Variants in ST7 observed in about 807,000 individuals in gnomAD.
The protein encoded by ST7 is suppression of tumorigenicity 7, also known as suppressor of tumorigenicity 7 protein.
ST7 carries 28 observed loss-of-function variants against 78.7 expected under a neutral mutation model. The ratio of observed to expected loss-of-function variants is 0.36; its 90% CI spans 0.26 to 0.49. The LOEUF (loss-of-function observed/expected upper bound fraction) is 0.49. Ranked by LOEUF, ST7 falls within the 20% of genes least tolerant of loss-of-function variation. The pLI is 0.99. For missense variants in ST7, 418 were observed against 696.0 expected (o/e 0.60, Z 4.49); for synonymous variants, 247 against 249.6 (o/e 0.99, Z 0.10).
chr7:117,215,181 A>G (rs1158834654), intron 13 of ST7, among the ~76,000 whole-genome samples: 3 of 152,176 alleles, frequency 2.0e-5, no homozygotes, highest in Admixed American at 6.5e-5. Flanking sequence ...ACAATTAGGT[A>G]GTGACAGCAT....
intron 1 of ST7, among the ~76,000 whole-genome samples, chr7:117,002,337 C>T (rs1794969467): frequency 6.6e-6 from 1 of 152,068 alleles, no homozygotes; most frequent in South Asian, 2.1e-4. Flanking sequence ...AAATGATCCT[C>T]CTACCTCAGC....
rs3757813 is a variant in ST7 at position 117,099,045 on chromosome 7, G to C, written c.152-717G>C. On this transcript the variant is annotated intron_variant, in intron 1 of 15. Transcript: ENST00000323984. Reference sequence around the variant, plus strand: ...TTACTTTCTTAATAAACTCACTTTCGCAAAAAAAAAAAAAAAAAAACAAAA... The same window carrying C: ...TTACTTTCTTAATAAACTCACTTTCCCAAAAAAAAAAAAAAAAAAACAAAA... 1.2e-3 allele frequency among the ~76,000 whole-genome samples: 20 copies of C among 16,086 alleles called. 1 individual carries two copies. The East Asian group carries it at 0.12, about 98-fold the overall frequency. 10.6% of individuals were successfully genotyped at this position (16,086 alleles called of 152,430 possible).
intron 1 of ST7, among the ~76,000 whole-genome samples, chr7:116,988,740 T>G (rs183723358): frequency 2.6e-5 from 4 of 152,358 alleles, no homozygotes; most frequent in Admixed American, 2.6e-4. Flanking sequence ...GAAAATACTT[T>G]AAATAATCAA....
intron 1 of ST7, among the ~76,000 whole-genome samples, chr7:117,097,893 T>TG (rs1563078758): frequency 1.3e-4 from 3 of 23,436 alleles, no homozygotes; most frequent in Admixed American, 9.7e-4. Flanking sequence ...TATATATATA[T>TG]ATATATATAT....
intron 12 of ST7, among the ~76,000 whole-genome samples, chr7:117,195,394 A>G (rs1482912311): frequency 1.3e-5 from 2 of 151,248 alleles, no homozygotes; most frequent in Non-Finnish European, 3.0e-5. Flanking sequence ...AAAAATATGT[A>G]ATATGAGATC....
At chr7:117,122,356 T>G (rs906662127) in intron 3 of ST7, among the ~76,000 whole-genome samples, 2 of 152,186 alleles carry the variant, frequency 1.3e-5, no homozygotes, top group Admixed American at 6.5e-5. Context: ...AGGAGTGATG[T>G]GATCAGATCT....
chr7:117,211,481 G>C (rs139270248), intron 13 of ST7, among the ~76,000 whole-genome samples: 1 of 152,168 alleles, frequency 6.6e-6, no homozygotes, highest in Non-Finnish European at 1.5e-5. Flanking sequence ...AGGGTTGAAC[G>C]GGAGAGGCCT....
At position 117,134,185 on chromosome 7, in the gene ST7, T is replaced by C; in HGVS notation, c.703T>C (p.Leu235=). The stretch of plus-strand genomic sequence containing the variant: ...CTCTACCATCTGGGAGATAAAATTG[T>C]TACCAAAGTAAGTCAAGAACCTGTT... ...ASSTIWEIKL[L]PKCATAYILL... is the part of the protein sequence containing the mutation. The change falls in exon 7 of 16, where the codon TTA becomes CTA. Residue 235 remains leucine, a synonymous_variant. Coordinates refer to ENST00000323984, the MANE Select transcript of ST7 (RefSeq NM_001369598.1). 1 of 1,612,002 alleles carries C rather than the reference T, an allele frequency of 6.2e-7. No homozygotes were observed. Among genetic ancestry groups the C allele is most frequent in the South Asian group, 1.1e-5 (1 of 91,004 alleles).
At chr7:117,104,667 C>G (rs995849183) in intron 2 of ST7, among the ~76,000 whole-genome samples, 1 of 152,098 alleles carries the variant, frequency 6.6e-6, no homozygotes, top group Non-Finnish European at 1.5e-5. Context: ...ACCTGCAGTC[C>G]CATGTTTATT....
intron 13 of ST7, among the ~76,000 whole-genome samples, chr7:117,211,944 A>G (rs1337957682): frequency 6.6e-6 from 1 of 152,184 alleles, no homozygotes; most frequent in Admixed American, 6.5e-5. Context: ...GGCATAACAC[A>G]GTATGGCCAG....
At chr7:117,167,022 T>C (rs1807609590) in intron 9 of ST7, among the ~76,000 whole-genome samples, 1 of 151,672 alleles carries the variant, frequency 6.6e-6, no homozygotes, top group African/African-American at 2.4e-5. Context: ...ACTGGCAGCA[T>C]GGTTAGAGAA....
chr7:116,994,630 T>C (rs1006423978), intron 1 of ST7, among the ~76,000 whole-genome samples: 2 of 152,196 alleles, frequency 1.3e-5, no homozygotes, highest in Admixed American at 1.3e-4. Context: ...GGACGCAATG[T>C]TTTTAGATTA....
intron 10 of ST7, among the ~76,000 whole-genome samples, chr7:117,185,714 G>A (rs1809194954): frequency 6.6e-6 from 1 of 152,170 alleles, no homozygotes; most frequent in African/African-American, 2.4e-5. Context: ...TCACGAGGTT[G>A]GAGTTCAAGA....
intron 13 of ST7, among the ~76,000 whole-genome samples, chr7:117,217,299 A>C (rs1042473590): frequency 1.3e-5 from 2 of 151,322 alleles, no homozygotes; most frequent in African/African-American, 2.4e-5. Context: ...AAAAAAAAAA[A>C]CAAAAAAAAA....
intron 1 of ST7, chr7:116,972,242 G>GTT (rs1347115990): frequency 3.7e-6 from 2 of 537,304 alleles, no homozygotes; most frequent in Non-Finnish European, 7.1e-6. Flanking sequence ...GTGCATTTGA[G>GTT]TTTATCTTCC....
intron 1 of ST7, among the ~76,000 whole-genome samples, chr7:117,063,305 C>T (rs573770567): frequency 6.6e-6 from 1 of 151,824 alleles, no homozygotes; most frequent in African/African-American, 2.4e-5. Context: ...TGCTTTAAGC[C>T]CAGGACAAAG....
At chr7:117,151,780 A>G (rs1346384321) in intron 9 of ST7, among the ~76,000 whole-genome samples, 1 of 152,006 alleles carries the variant, frequency 6.6e-6, no homozygotes, top group African/African-American at 2.4e-5. Context: ...TACACTTTCC[A>G]CCCCAAATCC....
intron 1 of ST7, among the ~76,000 whole-genome samples, chr7:117,075,598 C>T (rs1267878265): frequency 6.6e-6 from 1 of 152,150 alleles, no homozygotes; most frequent in African/African-American, 2.4e-5. Context: ...TGTACTTTTT[C>T]CTGCTTCCAG....
chr7:117,081,576 T>C (rs1799778278), intron 1 of ST7, among the ~76,000 whole-genome samples: 1 of 152,248 alleles, frequency 6.6e-6, no homozygotes, highest in Admixed American at 6.5e-5. Flanking sequence ...ATGATTTTTA[T>C]GACTTCAATG....
Sources: gnomAD v4.1 joint callset for allele counts (sites outside exome capture counted in the v4.1 genomes callset) on GRCh38, gnomAD v4.1.1 for gene constraint, MANE v1.5 for transcripts, NCBI Gene and HGNC (gene_info 2026-07-23, HGNC 2026-07-21) for gene names.